Variants in STK3 observed in about 807,000 individuals in gnomAD.
STK3 encodes serine/threonine-protein kinase 3.
Under a neutral mutation model 58.0 loss-of-function variants are expected in STK3, and 41 were observed. That is an observed-to-expected ratio of 0.71 (90% confidence interval 0.55 to 0.92). The LOEUF (loss-of-function observed/expected upper bound fraction) is 0.92, where lower values mean the gene tolerates loss of function less well. STK3 is among the 40% of genes least tolerant of loss of function. STK3 has a pLI of 0.00. For missense variants in STK3, 479 were observed against 602.7 expected (o/e 0.79, Z 2.15); for synonymous variants, 170 against 191.0 (o/e 0.89, Z 0.91).
At chr8:98,809,545 TTC>T (rs1178497276) in intron 1 of STK3, among the ~76,000 whole-genome samples, 2 of 152,212 alleles carry the variant, frequency 1.3e-5, no homozygotes, top group Non-Finnish European at 1.5e-5. Context: ...CTATTCTACT[TTC>T]TGTTTCTATG....
chr8:98,679,948 T>C (rs2130888680), intron 6 of STK3, among the ~76,000 whole-genome samples: 1 of 152,320 alleles, frequency 6.6e-6, no homozygotes, highest in East Asian at 1.9e-4. Flanking sequence ...TGACTTGATT[T>C]GGTATAACAA....
At chr8:98,555,181 C>A (rs927734582) in intron 8 of STK3, among the ~76,000 whole-genome samples, 1 of 152,084 alleles carries the variant, frequency 6.6e-6, no homozygotes, top group Non-Finnish European at 1.5e-5. Flanking sequence ...CTAAGACATG[C>A]TTATGCTAAA....
intron 6 of STK3, among the ~76,000 whole-genome samples, chr8:98,611,795 A>T (rs1389333961): frequency 6.6e-6 from 1 of 152,066 alleles, no homozygotes; most frequent in Non-Finnish European, 1.5e-5. Context: ...GTTGGTTTTT[A>T]AAAAAATGTC....
In STK3 at chr8:98,811,596, T is replaced by TAA. The variant is rs567178137; in HGVS notation, c.26+13917_26+13918dup. Among the ~76,000 whole-genome samples the TAA allele has an allele frequency of 4.4e-3, 621 of 140,536 alleles. 3 individuals carry two copies. Among genetic ancestry groups the TAA allele is most frequent in the South Asian group, 0.013 (57 of 4,388 alleles). The allele number at this position is 140,536 out of a possible 152,430, so 92.2% of individuals were successfully genotyped here. On this transcript the variant is annotated intron_variant, in intron 1 of 10. Transcript: ENST00000419617. Reference sequence around the variant, plus strand: ...CTAGCAGTTTCATCTTGAATACTGTTAAAAAAAAAAAAAAATACATCTTTA... The same window carrying TAA: ...CTAGCAGTTTCATCTTGAATACTGTTAAAAAAAAAAAAAAAAATACATCTTTA...
chr8:98,742,838 C>G (rs546036271), intron 4 of STK3, among the ~76,000 whole-genome samples: 2,769 of 151,878 alleles, frequency 0.018, 58 homozygotes, highest in African/African-American at 0.064. Context: ...ACCCCATTGT[C>G]TTAGCCCAAA....
the STK3 span, among the ~76,000 whole-genome samples, chr8:98,349,236 G>C: frequency 6.6e-6 from 1 of 152,356 alleles, no homozygotes; most frequent in African/African-American, 2.4e-5. Context: ...GTGGTCATCA[G>C]GGGTTGGGAG....
chr8:98,852,180 C>T (rs1291194754), intron 3 of STK3, among the ~76,000 whole-genome samples: 4 of 151,594 alleles, frequency 2.6e-5, no homozygotes, highest in Admixed American at 2.6e-4. Context: ...TCTTGTTGCC[C>T]AGGTTGGAGT....
chr8:98,405,877 G>A (rs996519334), intron 3 of STK3, among the ~76,000 whole-genome samples: 2 of 152,038 alleles, frequency 1.3e-5, no homozygotes, highest in East Asian at 3.8e-4. Flanking sequence ...TCACTCTCAC[G>A]GGAACAGCAT....
chr8:98,368,518 C>G (rs567450483), downstream of STK3, among the ~76,000 whole-genome samples: 1 of 152,308 alleles, frequency 6.6e-6, no homozygotes, highest in African/African-American at 2.4e-5. Context: ...CAGGTTCCCA[C>G]ACAAACCCCT....
intron 3 of STK3, chr8:98,427,846 C>A: frequency 1.4e-6 from 1 of 695,796 alleles, no homozygotes; most frequent in Non-Finnish European, 2.4e-6. Context: ...CAAGACCCAC[C>A]AGGAGGCCTG....
the STK3 span, among the ~76,000 whole-genome samples, chr8:98,356,354 T>G: frequency 0.025 from 3,728 of 152,086 alleles, 151 homozygotes; most frequent in African/African-American, 0.084. Flanking sequence ...TGGACAGAGT[T>G]TGGTTAGGGG....
At chr8:98,772,256 T>C (rs1036392427) in intron 2 of STK3, among the ~76,000 whole-genome samples, 2 of 152,240 alleles carry the variant, frequency 1.3e-5, no homozygotes, top group Non-Finnish European at 2.9e-5. Context: ...ATGGTTTGCA[T>C]ATTTGTCTTC....
chr8:98,673,593 C>T (rs529095304), intron 6 of STK3, among the ~76,000 whole-genome samples: 7 of 149,466 alleles, frequency 4.7e-5, no homozygotes, highest in African/African-American at 1.5e-4. Flanking sequence ...TTGCCAGGAT[C>T]GGAGGGGTGG....
chr8:98,597,697 G>C (rs901171796), intron 6 of STK3: 18 of 985,128 alleles, frequency 1.8e-5, no homozygotes, highest in Non-Finnish European at 3.6e-6. Context: ...GCTCTATCTA[G>C]CCTGGCTCAA....
rs571778974 is a variant in STK3, at chr8:98,836,870, T to A, written c.110+46777A>T. ...GAGAAGCTTAAAGAGCTTTTGTTTA[T>A]GTGGATTATATTTATCAATATTAAG... On this transcript the variant is annotated intron_variant, in intron 3 of 12. Transcript: ENST00000523601. Among the ~76,000 whole-genome samples, 52 of 152,326 alleles carry A rather than the reference T, an allele frequency of 3.4e-4. No individual in the cohort carries two copies. The South Asian group carries it at 0.011, about 31-fold the overall frequency.
At chr8:98,878,001 G>A (rs1199591223) in intron 3 of STK3, among the ~76,000 whole-genome samples, 1 of 151,748 alleles carries the variant, frequency 6.6e-6, no homozygotes, top group African/African-American at 2.4e-5. Flanking sequence ...TCAAACTGGT[G>A]TTAGCAAATC....
chr8:98,926,626 A>G (rs1839809958), intron 1 of STK3, among the ~76,000 whole-genome samples: 1 of 152,228 alleles, frequency 6.6e-6, no homozygotes, highest in African/African-American at 2.4e-5. Context: ...TTGAATAAGA[A>G]CCAAAGCCGT....
chr8:98,584,702 C>T (rs1174445059), intron 7 of STK3, among the ~76,000 whole-genome samples: 174 of 150,020 alleles, frequency 1.2e-3, no homozygotes, highest in African/African-American at 3.9e-3. Flanking sequence ...TGAACTAGTT[C>T]ACAGTCCCAC....
In STK3 at chr8:98,892,428, C is replaced by G. The variant is rs925151290; in HGVS notation, c.-78-8594G>C. ...ACAGTCCCCAGATTAAAACCATTAG[C>G]TGGGTCCTCAAGGCCCTCAGAATGA... On this transcript the variant is annotated intron_variant, in intron 1 of 1. Transcript: ENST00000519420. Among the ~76,000 whole-genome samples, 64 of 152,324 alleles carry G rather than the reference C, an allele frequency of 4.2e-4. 1 individual carries two copies. The highest frequency in any genetic ancestry group is 1.9e-4 in the Non-Finnish European group (13 of 68,032).
Sources: allele counts gnomAD v4.1 joint callset (sites outside exome capture counted in the v4.1 genomes callset), GRCh38; gene constraint gnomAD v4.1.1; transcripts MANE v1.5; gene names NCBI Gene and HGNC (gene_info 2026-07-23, HGNC 2026-07-21).